The following ZNF592 variants were observed in gnomAD, a reference collection of about 807,000 sequenced individuals.
ZNF592 encodes zinc finger protein 592, also known as spinocerebellar ataxia, autosomal recessive 5.
ZNF592 carries 11 observed loss-of-function variants against 80.3 expected under a neutral mutation model. The observed-to-expected ratio is 0.14, with a 90% confidence interval of 0.09 to 0.23. The LOEUF (loss-of-function observed/expected upper bound fraction) is 0.23. Ranked by LOEUF, ZNF592 falls within the 10% of genes least tolerant of loss-of-function variation. The pLI is 1.00. For missense variants in ZNF592, 1,420 were observed against 1,633.9 expected (o/e 0.87, Z 2.26); for synonymous variants, 646 against 640.3 (o/e 1.01, Z -0.13).
chr15:84,784,443 C>T lies in ZNF592; in HGVS notation c.1768C>T (p.Leu590=). ...CGTGCCGGCCAGTGGGTACTGCTGC[C>T]TGGAGTGTGGAGACGCATTTGCCTT... is the stretch of plus-strand genomic sequence containing the variant. ...IHVPASGYCC[L]ECGDAFALEK... Residue 590 remains leucine, a synonymous_variant, in exon 4 of 11, where the codon CTG becomes TTG. Transcript: ENST00000560079. This position sits in a 1 kb window ranked among gnomAD's most constrained non-coding sequence, Gnocchi z 5.8. The T allele has an allele frequency of 3.1e-6, 5 of 1,614,214 alleles. No homozygotes were observed. The highest frequency in any genetic ancestry group is 4.2e-6 in the Non-Finnish European group (5 of 1,180,040).
chr15:84,796,278 TATATATATATATATATAAAA>T (rs1567076378), intron 5 of ZNF592, among the ~76,000 whole-genome samples: 14 of 51,892 alleles, frequency 2.7e-4, no homozygotes, highest in African/African-American at 8.6e-4. Flanking sequence ...TATATATATA[TATATATATATATATATAAAA>T]AAACGAAGGG....
chr15:84,782,779 A>T lies in ZNF592; in HGVS notation c.104A>T (p.Glu35Val), dbSNP rs1567068728. 1.2e-6 allele frequency: 2 copies of T among 1,614,120 alleles called. No individual in the cohort carries two copies. Among genetic ancestry groups the T allele is most frequent in the South Asian group, 1.1e-5 (1 of 91,074 alleles). ...DAKEAIQTPS[E>V]ENESPLKPPG... is the part of the protein sequence containing the mutation. ...AAGGAGGCCATCCAGACACCCAGTG[A>T]GGAGAATGAGAGTCCCCTCAAACCT... Residue 35 changes from glutamate (E) to valine (V), a missense_variant, in exon 4 of 11, where the codon GAG (glutamate) becomes GTG (valine). Coordinates refer to ENST00000560079, the MANE Select transcript of ZNF592 (RefSeq NM_014630.3).
chr15:84,793,347 G>T (rs1008524285), intron 5 of ZNF592, among the ~76,000 whole-genome samples: 6 of 152,198 alleles, frequency 3.9e-5, no homozygotes, highest in African/African-American at 1.4e-4. Context: ...AAAGTGCTGG[G>T]ACTACAGGCA....
At chr15:84,788,682 G>A (rs1052741673) in intron 4 of ZNF592, among the ~76,000 whole-genome samples, 1 of 152,132 alleles carries the variant, frequency 6.6e-6, no homozygotes, top group Admixed American at 6.5e-5. Flanking sequence ...AACTCTTCAT[G>A]TTGCAAAACT....
At chr15:84,767,875 T>C (rs909386219) in intron 2 of ZNF592, among the ~76,000 whole-genome samples, 3 of 149,666 alleles carry the variant, frequency 2.0e-5, no homozygotes, top group African/African-American at 7.3e-5. Context: ...TTGTTTCTTT[T>C]CTTTTCTTTT....
At chr15:84,766,258 A>G (rs764740609) in intron 2 of ZNF592, among the ~76,000 whole-genome samples, 2 of 152,250 alleles carry the variant, frequency 1.3e-5, no homozygotes, top group Non-Finnish European at 2.9e-5. Context: ...GCCAATTCCA[A>G]ATGTCACATC....
In ZNF592 at chr15:84,783,439, C is replaced by A; in HGVS notation, c.764C>A (p.Ser255Tyr). Reference protein sequence around the residue: ...NSHPSNSIGESKGLARELGTC... With the variant: ...NSHPSNSIGEYKGLARELGTC... ...CATCCTAGCAACAGTATTGGAGAGT[C>A]CAAGGGGCTTGCCCGGGAGCTTGGT... is the stretch of plus-strand genomic sequence containing the variant. Residue 255 changes from serine to tyrosine, a missense_variant, in exon 4 of 11, where the codon TCC becomes TAC. Ser to Tyr is a moderately radical substitution (Grantham distance 144, BLOSUM62 -2). This residue lies in a region of ZNF592 where 373 missense variants were observed against 355.5 expected (regional missense o/e 1.05). Transcript: ENST00000560079. This position sits in a 1 kb window ranked among gnomAD's most constrained non-coding sequence, Gnocchi z 5.0. The A allele has an allele frequency of 6.2e-7, 1 of 1,614,176 alleles. No homozygotes were observed. Among genetic ancestry groups the A allele is most frequent in the Non-Finnish European group, 8.5e-7 (1 of 1,180,034 alleles).
Position 84,802,350 on chromosome 15 carries a change from C to T in ZNF592, c.3761C>T (p.Ala1254Val). 1 of 1,613,858 alleles carries T rather than the reference C, an allele frequency of 6.2e-7. No homozygotes were observed. Among genetic ancestry groups the T allele is most frequent in the Non-Finnish European group, 8.5e-7 (1 of 1,180,022 alleles). Reference sequence around the variant, plus strand: ...CACAATGATCACAGTCAACCACAGGCCTCTCAGGACCAGGACAGCCACACA... The same window carrying T: ...CACAATGATCACAGTCAACCACAGGTCTCTCAGGACCAGGACAGCCACACA... The part of the protein sequence containing the change: ...GGHNDHSQPQ[A>V]SQDQDSHTLS... The change falls in exon 11 of 11, where the codon GCC becomes GTC. Residue 1254 changes from alanine (A) to valine (V), a missense_variant. This residue lies in a region of ZNF592 where 24 missense variants were observed against 16.7 expected (regional missense o/e 1.44). Transcript: ENST00000560079.
chr15:84,772,221 G>A (rs781643599), intron 2 of ZNF592, among the ~76,000 whole-genome samples: 4 of 152,020 alleles, frequency 2.6e-5, no homozygotes, highest in South Asian at 2.1e-4. Context: ...CTTCACTACC[G>A]TAACCCATGG....
intron 2 of ZNF592, among the ~76,000 whole-genome samples, chr15:84,777,483 A>G (rs540251362): frequency 2.6e-5 from 4 of 151,702 alleles, no homozygotes; most frequent in African/African-American, 7.2e-5. Context: ...CTCAAAAAAA[A>G]AAAAAAAGAA....
At chr15:84,750,808 C>A (rs141373280) in intron 1 of ZNF592, among the ~76,000 whole-genome samples, 1 of 152,050 alleles carries the variant, frequency 6.6e-6, no homozygotes, top group East Asian at 1.9e-4. Context: ...TGAAAGAGGC[C>A]TGTGGGGCTG....
rs575592371 is a variant in ZNF592 at position 84,783,350 on chromosome 15, A to G, written c.675A>G (p.Thr225=). 7 of 1,614,220 alleles carry G rather than the reference A, an allele frequency of 4.3e-6. No individual in the cohort carries two copies. The highest frequency in any genetic ancestry group is 1.6e-4 in the Middle Eastern group (1 of 6,062). ...AACACGAGCAAAGTGGGCAGAACAC[A>G]GTGGAACCTCACAAGGATCCGGATG... ...QQEHEQSGQN[T]VEPHKDPDAT... Residue 225 remains threonine, a synonymous_variant, in exon 4 of 11, where the codon ACA becomes ACG. Coordinates refer to ENST00000560079, the MANE Select transcript of ZNF592 (RefSeq NM_014630.3). This position sits in a 1 kb window ranked among gnomAD's most constrained non-coding sequence, Gnocchi z 5.0.
chr15:84,780,787 TG>T, intron 3 of ZNF592, among the ~76,000 whole-genome samples: 1 of 152,052 alleles, frequency 6.6e-6, no homozygotes, highest in Non-Finnish European at 1.5e-5. Flanking sequence ...TTGTTGTTGT[TG>T]TTGTTGTTAT....
intron 5 of ZNF592, among the ~76,000 whole-genome samples, chr15:84,794,355 G>A (rs561602696): frequency 6.6e-6 from 1 of 152,272 alleles, no homozygotes; most frequent in South Asian, 2.1e-4. Context: ...TCTAGGTTTT[G>A]ATTTCTGTAC....
chr15:84,783,179 T>C lies in ZNF592; in HGVS notation c.504T>C (p.Tyr168=), dbSNP rs775708615. Residue 168 remains tyrosine, a synonymous_variant, in exon 4 of 11, where the codon TAT becomes TAC. Coordinates refer to ENST00000560079, the MANE Select transcript of ZNF592 (RefSeq NM_014630.3). This position sits in a 1 kb window ranked among gnomAD's most constrained non-coding sequence, Gnocchi z 5.0. The part of the protein sequence containing the change: ...FGIKPKHSDS[Y]FPPPLGCGAV... ...TAAAGCCCAAACACTCTGACAGTTA[T>C]TTCCCACCCCCTCTTGGGTGCGGGG... The C allele has an allele frequency of 1.9e-6, 3 of 1,614,064 alleles. No individual in the cohort carries two copies. The highest frequency in any genetic ancestry group is 1.1e-5 in the South Asian group (1 of 91,086).
chr15:84,798,315 G>C lies in ZNF592; in HGVS notation c.2577G>C (p.Gln859His). ...CACCCCCTAGGGCTTGTCTCATCAG[G>C]CTCATTTATAAGTGCTCCTGTGAAA... ...QHPTQPHRPS[Q>H]LIYKCSCEMV... is the part of the protein sequence containing the mutation. The change falls in exon 7 of 11, where the codon CAG becomes CAC. Residue 859 changes from glutamine (Q) to histidine (H), a missense_variant and splice_region_variant. By Grantham distance (24) the Gln-to-His change is conservative (BLOSUM62 0). Transcript: ENST00000560079. This position sits in a 1 kb window ranked among gnomAD's most constrained non-coding sequence, Gnocchi z 4.5. 6.2e-7 allele frequency: 1 copy of C among 1,614,168 alleles called. No homozygotes were observed. The highest frequency in any genetic ancestry group is 8.5e-7 in the Non-Finnish European group (1 of 1,180,040).
intron 1 of ZNF592, among the ~76,000 whole-genome samples, chr15:84,757,832 T>G (rs1165734453): frequency 6.7e-6 from 1 of 149,236 alleles, no homozygotes; most frequent in Non-Finnish European, 1.5e-5. Flanking sequence ...CTTTTTCTTT[T>G]TTGTATTTCA....
chr15:84,769,799 G>A (rs1899645281), intron 2 of ZNF592, among the ~76,000 whole-genome samples: 2 of 152,166 alleles, frequency 1.3e-5, no homozygotes, highest in Admixed American at 1.3e-4. Context: ...GGGTCTCACT[G>A]TGTTGCCTAG....
In ZNF592 at chr15:84,803,982, T is replaced by C. The variant is rs1460765737; in HGVS notation, c.*1589T>C. On this transcript the variant is annotated 3_prime_UTR_variant, in exon 11 of 11. Transcript: ENST00000560079. ...GGCATTAAATATCAATTATAAATTATTAAGTCAGATAAATATGCCTGACCT... is the reference window on the plus strand; with the variant it reads ...GGCATTAAATATCAATTATAAATTACTAAGTCAGATAAATATGCCTGACCT... 6.6e-6 allele frequency: 1 copy of C among 152,242 alleles called. No homozygotes were observed. Among genetic ancestry groups the C allele is most frequent in the Non-Finnish European group, 1.5e-5 (1 of 68,044 alleles). The allele number at this position is 152,242 out of a possible 1,614,324, so 9.4% of individuals were successfully genotyped here.
Sources: gnomAD v4.1 joint callset for allele counts (sites outside exome capture counted in the v4.1 genomes callset) on GRCh38, gnomAD v4.1.1 for gene constraint, gnomAD v4.1.1 regional missense constraint, Gnocchi (gnomAD v3.1) non-coding constraint, MANE v1.5 for transcripts, NCBI Gene and HGNC (gene_info 2026-07-23, HGNC 2026-07-21) for gene names.